The following RIMS2 variants were observed in gnomAD, a reference collection of about 807,000 sequenced individuals.
The protein encoded by RIMS2 is regulating synaptic membrane exocytosis 2.
In RIMS2, 59 loss-of-function variants were observed where a neutral mutation model predicts 174.4. That is an observed-to-expected ratio of 0.34 (90% CI 0.27 to 0.42). The LOEUF (loss-of-function observed/expected upper bound fraction) is 0.42, where lower values mean the gene tolerates loss of function less well. Among genes scored for constraint, RIMS2 ranks in the 10% least tolerant of loss-of-function variants. The probability of loss-of-function intolerance (pLI) is 1.00; values close to 1 mark genes in which losing one functional copy is unlikely to be tolerated. For synonymous variants in RIMS2, 606 were observed against 572.5 expected (o/e 1.06, Z -0.84); for missense variants, 1,620 against 1,666.3 (o/e 0.97, Z 0.48).
intron 19 of RIMS2, among the ~76,000 whole-genome samples, chr8:104,027,976 G>T (rs2096291378): frequency 6.6e-6 from 1 of 152,026 alleles, no homozygotes; most frequent in African/African-American, 2.4e-5. Context: ...TGTCACTCAG[G>T]CTGGAGTGGA....
At chr8:104,175,360 A>G (rs975595290) in intron 19 of RIMS2, among the ~76,000 whole-genome samples, 1 of 151,990 alleles carries the variant, frequency 6.6e-6, no homozygotes, top group African/African-American at 2.4e-5. Context: ...TACTCGAGGT[A>G]TTTATTTTGA....
chr8:103,641,821 T>C lies in RIMS2; in HGVS notation c.177-55265T>C, dbSNP rs955996705. 2.6e-5 allele frequency among the ~76,000 whole-genome samples: 4 copies of C among 152,100 alleles called. No individual in the cohort carries two copies. In the East Asian group the frequency reaches 7.7e-4, roughly 29 times the overall value. ...CATGGCACCCCTTCATCTTCCACCA[T>C]GAGTGGAAGCAACTTGAGGCCCTCA... is the stretch of plus-strand genomic sequence containing the variant. On this transcript the variant is annotated intron_variant, in intron 1 of 23. Transcript: ENST00000504942.
At chr8:103,759,377 A>T (rs1433179046) in intron 2 of RIMS2, among the ~76,000 whole-genome samples, 1 of 152,006 alleles carries the variant, frequency 6.6e-6, no homozygotes, top group African/African-American at 2.4e-5. Flanking sequence ...CATCCTGGCT[A>T]ACACGGTGAA....
At position 104,244,913 on chromosome 8, in the gene RIMS2, C is replaced by A. The variant is rs377286313; in HGVS notation, c.3335-3C>A. On this transcript the variant is annotated splice_polypyrimidine_tract_variant and splice_region_variant and intron_variant, in intron 19 of 23. Coordinates refer to ENST00000504942, the Ensembl canonical transcript of RIMS2. ...GTTACACTTTTTGTTTCTATCTCTG[C>A]AGAAGCAGGAGGTAAAAAACTAAGG... 1 of 1,612,544 alleles carries A rather than the reference C, an allele frequency of 6.2e-7. No homozygotes were observed. Among genetic ancestry groups the A allele is most frequent in the Non-Finnish European group, 8.5e-7 (1 of 1,178,908 alleles).
chr8:103,604,198 G>T lies in RIMS2; in HGVS notation c.177-92888G>T, dbSNP rs796657588. Among the ~76,000 whole-genome samples, 56 of 151,146 alleles carry T rather than the reference G, an allele frequency of 3.7e-4. No homozygotes were observed. In the South Asian group the frequency reaches 0.011, roughly 30 times the overall value. ...GTATAAGGTGTAAGGAAGGGATCCAGTTTCAGCTTTCTACATATGGCTAGC... is the reference window on the plus strand; with the variant it reads ...GTATAAGGTGTAAGGAAGGGATCCATTTTCAGCTTTCTACATATGGCTAGC... On this transcript the variant is annotated intron_variant, in intron 1 of 23. Coordinates refer to ENST00000504942, the Ensembl canonical transcript of RIMS2.
At chr8:104,197,645 A>T (rs748430017) in intron 19 of RIMS2, among the ~76,000 whole-genome samples, 8 of 152,028 alleles carry the variant, frequency 5.3e-5, no homozygotes, top group Non-Finnish European at 8.8e-5. Context: ...AAAACTTAAA[A>T]CTCATTGAGG....
chr8:104,205,758 A>AT (rs1400866418), intron 19 of RIMS2, among the ~76,000 whole-genome samples: 25,703 of 144,384 alleles, frequency 0.18, 2,492 homozygotes, highest in Non-Finnish European at 0.24. Context: ...ATTTATTTGA[A>AT]TTTTTTTTTT....
intron 19 of RIMS2, among the ~76,000 whole-genome samples, chr8:104,203,436 C>A (rs2099064376): frequency 6.7e-6 from 1 of 149,446 alleles, no homozygotes; most frequent in East Asian, 2.0e-4. Flanking sequence ...TCATTTAAAA[C>A]CAATTGAATT....
rs76487567 is a variant in RIMS2 at position 104,095,908 on chromosome 8, T to C, written c.3334+81293T>C. Among the ~76,000 whole-genome samples the C allele has an allele frequency of 6.3e-3, 963 of 152,264 alleles. 7 individuals carry two copies. The highest frequency in any genetic ancestry group is 0.031 in the Middle Eastern group (9 of 294). ...AGTGATTTAGCCGATGTCCCTTCCC[T>C]TGTTATCTTAGATATATTTAACTGT... On this transcript the variant is annotated intron_variant, in intron 19 of 23. Coordinates refer to ENST00000504942, the Ensembl canonical transcript of RIMS2.
chr8:104,077,372 G>A (rs562897295), intron 19 of RIMS2, among the ~76,000 whole-genome samples: 2 of 151,986 alleles, frequency 1.3e-5, no homozygotes, highest in Non-Finnish European at 2.9e-5. Context: ...AGTAGAGATA[G>A]ATAAGTATAT....
intron 2 of RIMS2, among the ~76,000 whole-genome samples, chr8:103,750,677 G>A (rs554865064): frequency 2.0e-5 from 3 of 152,202 alleles, no homozygotes; most frequent in South Asian, 4.1e-4. Flanking sequence ...CAGGAGATCT[G>A]ATGGTTTTAT....
In RIMS2 at chr8:104,123,203, GCTAA is replaced by G. The variant is rs561264943; in HGVS notation, c.3334+108591_3334+108594del. ...TATTGTTTATAAAATATGGTATAAT[GCTAA>G]CTTTCACTCAGTATGTGTATATTTT... On this transcript the variant is annotated intron_variant, in intron 19 of 23. Transcript: ENST00000504942. Among the ~76,000 whole-genome samples the G allele has an allele frequency of 4.6e-5, 7 of 152,042 alleles. No individual in the cohort carries two copies. The South Asian group carries it at 6.2e-4, about 14-fold the overall frequency.
chr8:104,083,896 GA>G (rs1598451293), intron 19 of RIMS2, among the ~76,000 whole-genome samples: 1 of 152,014 alleles, frequency 6.6e-6, no homozygotes, highest in African/African-American at 2.4e-5. Flanking sequence ...TAAAGCTATT[GA>G]AAAAATATTT....
intron 2 of RIMS2, among the ~76,000 whole-genome samples, chr8:103,713,874 T>G (rs1430917962): frequency 6.6e-6 from 1 of 152,210 alleles, no homozygotes; most frequent in African/African-American, 2.4e-5. Flanking sequence ...ATTATACTAC[T>G]TACACTTCTC....
chr8:103,942,479 T>C (rs2082759260), intron 13 of RIMS2, among the ~76,000 whole-genome samples: 1 of 152,178 alleles, frequency 6.6e-6, no homozygotes, highest in African/African-American at 2.4e-5. Context: ...TTACAGTCAT[T>C]TAAAATGAAA....
intron 2 of RIMS2, among the ~76,000 whole-genome samples, chr8:103,746,256 T>TTTTGCTGTGCAGAAGAAGCTCTTTA (rs1330911239): frequency 1.3e-5 from 2 of 152,150 alleles, no homozygotes; most frequent in African/African-American, 4.8e-5. Flanking sequence ...TGACCATAGA[T>TTTTGCTGTGCAGAAGAAGCTCTTTA]GTATGGGTTT....
intron 19 of RIMS2, among the ~76,000 whole-genome samples, chr8:104,198,172 C>T (rs1399552357): frequency 6.6e-6 from 1 of 151,930 alleles, no homozygotes; most frequent in Non-Finnish European, 1.5e-5. Flanking sequence ...AAAGTTTTTG[C>T]TAAAAAAACA....
chr8:104,064,378 T>C (rs2097064675), intron 19 of RIMS2, among the ~76,000 whole-genome samples: 1 of 152,150 alleles, frequency 6.6e-6, no homozygotes, highest in Non-Finnish European at 1.5e-5. Context: ...TTTTGAGCTA[T>C]TTATTAATTC....
At chr8:103,634,194 G>A (rs1329831443) in intron 1 of RIMS2, among the ~76,000 whole-genome samples, 1 of 152,066 alleles carries the variant, frequency 6.6e-6, no homozygotes, top group African/African-American at 2.4e-5. Flanking sequence ...CCTTAGTTTT[G>A]TCCCAAAGAC....
Sources: allele counts gnomAD v4.1 joint callset (sites outside exome capture counted in the v4.1 genomes callset), GRCh38; gene constraint gnomAD v4.1.1; transcripts MANE v1.5; gene names NCBI Gene and HGNC (gene_info 2026-07-23, HGNC 2026-07-21).